ADGRL1: variants seen among roughly 807,000 people sequenced by gnomAD.
The protein encoded by ADGRL1 is adhesion G protein-coupled receptor L1.
Under a neutral mutation model 148.9 loss-of-function variants are expected in ADGRL1, and 31 were observed. That is an observed-to-expected ratio of 0.21 (90% CI 0.16 to 0.28). The LOEUF (loss-of-function observed/expected upper bound fraction) is 0.28, where lower values mean the gene tolerates loss of function less well. Among genes scored for constraint, ADGRL1 ranks in the 10% least tolerant of loss-of-function variants. The pLI is 1.00. For synonymous variants in ADGRL1, 937 were observed against 900.3 expected (o/e 1.04, Z -0.73); for missense variants, 1,521 against 2,058.8 (o/e 0.74, Z 5.05).
intron 4 of ADGRL1, chr19:14,169,696 A>C (rs1404108333): frequency 2.0e-5 from 3 of 151,980 alleles, no homozygotes; most frequent in Admixed American, 6.6e-5. Flanking sequence ...TTAGTCCCCA[A>C]ACCCGGCCCG....
chr19:14,188,812 C>T (rs1971747006), intron 1 of ADGRL1, among the ~76,000 whole-genome samples: 1 of 152,186 alleles, frequency 6.6e-6, no homozygotes, highest in South Asian at 2.1e-4. Flanking sequence ...CTCACTTTGT[C>T]ACCGGGGCTG....
At chr19:14,204,684 C>G (rs1476733431) in intron 1 of ADGRL1, among the ~76,000 whole-genome samples, 1 of 147,438 alleles carries the variant, frequency 6.8e-6, no homozygotes, top group African/African-American at 2.6e-5. Context: ...GAGAGAAAGA[C>G]AGAGAGAGAT....
chr19:14,148,079 GAATT>G lies in ADGRL1; in HGVS notation c.*2790_*2793del, dbSNP rs1244745245. 2.6e-5 allele frequency: 4 copies of G among 152,834 alleles called. No homozygotes were observed. Among genetic ancestry groups the G allele is most frequent in the African/African-American group, 4.8e-5 (2 of 41,454 alleles). The allele number at this position is 152,834 out of a possible 1,614,324, so 9.5% of individuals were successfully genotyped here. A position where few individuals can be genotyped will look rare whatever the true frequency, so the allele number is the denominator to read the frequency against. On this transcript the variant is annotated 3_prime_UTR_variant, in exon 23 of 23. Coordinates refer to ENST00000361434, the MANE Select transcript of ADGRL1 (RefSeq NM_014921.5). ...AAAGAAACCAAAATCCAGAGAAAAA[GAATT>G]AACAAGATTTAGGAGCAAACGAGTT...
chr19:14,162,727 G>A lies in ADGRL1; in HGVS notation c.1074C>T (p.Pro358=), dbSNP rs1168306932. The change falls in exon 5 of 23, where the codon CCC becomes CCT. Residue 358 remains proline (P), a synonymous_variant. Transcript: ENST00000361434. The surrounding 1 kb of genome is among the most constrained non-coding windows in gnomAD (Gnocchi z 5.4). The part of the protein sequence containing the change: ...NREEPVSLTF[P]NPYQFISSVD... ...CGGAGGAGATGAACTGGTAGGGGTT[G>A]GGGAAGGTGAGGCTGACAGGCTCCT... is the stretch of plus-strand genomic sequence containing the variant. The A allele has an allele frequency of 1.6e-5, 26 of 1,614,112 alleles. No individual in the cohort carries two copies. Among genetic ancestry groups the A allele is most frequent in the African/African-American group, 2.7e-5 (2 of 74,942 alleles).
intron 4 of ADGRL1, among the ~76,000 whole-genome samples, chr19:14,166,101 C>A (rs1158448826): frequency 6.6e-6 from 1 of 152,068 alleles, no homozygotes; most frequent in East Asian, 1.9e-4. Context: ...TGTGCCCCCG[C>A]CGCCCGCCGC....
intron 12 of ADGRL1, 61 bp from the exon 13 acceptor site, chr19:14,158,113 A>AC: frequency 4.6e-6 from 7 of 1,535,892 alleles, no homozygotes; most frequent in African/African-American, 1.4e-5. Flanking sequence ...TCCCATTCCG[A>AC]CCCCCCACAC....
intron 1 of ADGRL1, among the ~76,000 whole-genome samples, chr19:14,192,222 G>A (rs1971989086): frequency 7.7e-6 from 1 of 130,044 alleles, no homozygotes; most frequent in Admixed American, 8.0e-5. Context: ...CACTCCTAGA[G>A]TTCCTTTATT....
intron 1 of ADGRL1, among the ~76,000 whole-genome samples, chr19:14,198,605 C>T (rs1335838073): frequency 6.6e-6 from 1 of 151,994 alleles, no homozygotes; most frequent in Non-Finnish European, 1.5e-5. Flanking sequence ...CCTACCTCTA[C>T]CCCCACCCCT....
chr19:14,153,597 T>G (rs1464208780), intron 18 of ADGRL1, among the ~76,000 whole-genome samples: 1 of 149,828 alleles, frequency 6.7e-6, no homozygotes, highest in African/African-American at 2.5e-5. Context: ...TTTTTTTTTT[T>G]TTGTATTTTT....
chr19:14,166,915 T>G (rs899171), intron 4 of ADGRL1: 171,970 of 1,212,244 alleles, frequency 0.14, 14,355 homozygotes, highest in African/African-American at 0.33. Context: ...AAGTGTGGGT[T>G]GGGGAGAGAA....
At chr19:14,180,935 C>T (rs1971149513) in intron 2 of ADGRL1, among the ~76,000 whole-genome samples, 1 of 151,980 alleles carries the variant, frequency 6.6e-6, no homozygotes, top group Non-Finnish European at 1.5e-5. Context: ...ATAGTCCCAG[C>T]TACTCAGGAG....
At chr19:14,183,218 C>CGAGAGAGAGAGAGAGA (rs1262220395) in intron 2 of ADGRL1, among the ~76,000 whole-genome samples, 18 of 124,984 alleles carry the variant, frequency 1.4e-4, no homozygotes, top group African/African-American at 4.1e-4. Context: ...AGAGAGAGAG[C>CGAGAGAGAGAGAGAGA]GAGAGAGAGA....
At position 14,183,193 on chromosome 19, in the gene ADGRL1, C is replaced by CAGAGAGAGAGAGAGAGAGAGAG. The variant is rs3837937; in HGVS notation, c.70+318_70+339dup. ...AGTGAGAGCCTCGAAGATGTAATCA[C>CAGAGAGAGAGAGAGAGAGAGAG]AGAGAGAGAGAGAGAGAGAGAGAGC... On this transcript the variant is annotated intron_variant, in intron 2 of 22. Coordinates refer to ENST00000361434, the MANE Select transcript of ADGRL1 (RefSeq NM_014921.5). Among the ~76,000 whole-genome samples the CAGAGAGAGAGAGAGAGAGAGAG allele has an allele frequency of 1.0e-3, 149 of 145,384 alleles. 2 individuals are homozygous for CAGAGAGAGAGAGAGAGAGAGAG. The highest frequency in any genetic ancestry group is 1.6e-3 in the Admixed American group (24 of 14,668).
chr19:14,176,071 G>A (rs562957321), intron 3 of ADGRL1, among the ~76,000 whole-genome samples: 16 of 150,954 alleles, frequency 1.1e-4, no homozygotes, highest in Non-Finnish European at 1.9e-4. Context: ...AACAAAACAG[G>A]CCGGGCGCAG....
At position 14,175,989 on chromosome 19, in the gene ADGRL1, G is replaced by T. The variant is rs529391645; in HGVS notation, c.284+1542C>A. On this transcript the variant is annotated intron_variant, in intron 3 of 22. Transcript: ENST00000361434. ...GAATTGCTTGAACCCTGGAGGTGGA[G>T]GTTGCAATGAGCTGAGATCACACCA... is the stretch of plus-strand genomic sequence containing the variant. 3.3e-5 allele frequency among the ~76,000 whole-genome samples: 5 copies of T among 151,724 alleles called. No individual in the cohort carries two copies. The South Asian group carries it at 1.0e-3, about 32-fold the overall frequency.
chr19:14,199,071 CA>C (rs1186034143), intron 1 of ADGRL1, among the ~76,000 whole-genome samples: 1 of 152,208 alleles, frequency 6.6e-6, no homozygotes, highest in Non-Finnish European at 1.5e-5. Flanking sequence ...GACCAGGAGA[CA>C]GGGGCATGGT....
At chr19:14,204,574 G>C (rs531020888) in intron 1 of ADGRL1, among the ~76,000 whole-genome samples, 1 of 151,960 alleles carries the variant, frequency 6.6e-6, no homozygotes, top group Non-Finnish European at 1.5e-5. Context: ...TCAACGGCCC[G>C]GAATAGACAT....
chr19:14,187,912 G>A (rs756806120), intron 1 of ADGRL1, among the ~76,000 whole-genome samples: 3 of 151,928 alleles, frequency 2.0e-5, no homozygotes, highest in East Asian at 3.9e-4. Flanking sequence ...ACAGGCATCC[G>A]AGCAGAGGAA....
chr19:14,154,603 GTTTT>G (rs1444682340), intron 18 of ADGRL1, among the ~76,000 whole-genome samples: 2 of 150,124 alleles, frequency 1.3e-5, no homozygotes, highest in Non-Finnish European at 3.0e-5. Flanking sequence ...TGTATGTGTG[GTTTT>G]TTTGTTTGTT....
Sources: allele counts gnomAD v4.1 joint callset (sites outside exome capture counted in the v4.1 genomes callset), GRCh38; gene constraint gnomAD v4.1.1; non-coding constraint Gnocchi (gnomAD v3.1); transcripts MANE v1.5; gene names NCBI Gene and HGNC (gene_info 2026-07-23, HGNC 2026-07-21).